ACACA: variants seen among roughly 807,000 people sequenced by gnomAD.
The protein encoded by ACACA is acetyl-CoA carboxylase alpha, also known as acetyl-CoA carboxylase 1.
Under a neutral mutation model 296.1 loss-of-function variants are expected in ACACA, and 103 were observed. The ratio of observed to expected loss-of-function variants is 0.35; its 90% CI spans 0.30 to 0.41. The LOEUF is 0.41. ACACA is among the 10% of genes least tolerant of loss of function. The pLI, the probability that ACACA is intolerant of heterozygous loss-of-function variation, is 1.00. For missense variants in ACACA, 1,554 were observed against 2,989.7 expected (o/e 0.52, Z 11.20); for synonymous variants, 953 against 1,038.6 (o/e 0.92, Z 1.58).
At chr17:37,197,619 G>A (rs2090150742) in intron 35 of ACACA, among the ~76,000 whole-genome samples, 1 of 152,162 alleles carries the variant, frequency 6.6e-6, no homozygotes, top group South Asian at 2.1e-4. Context: ...TGAATGTCAA[G>A]CTACCATCAG....
At chr17:37,349,773 G>A (rs1296219401) in intron 1 of ACACA, among the ~76,000 whole-genome samples, 1 of 151,570 alleles carries the variant, frequency 6.6e-6, no homozygotes, top group Non-Finnish European at 1.5e-5. Flanking sequence ...TGGCCAGGCT[G>A]GTCTCGAACT....
chr17:37,229,406 C>G (rs899489988), intron 25 of ACACA, among the ~76,000 whole-genome samples: 7 of 151,880 alleles, frequency 4.6e-5, no homozygotes, highest in South Asian at 2.1e-4. Flanking sequence ...GGGGTTCACG[C>G]CATTCTCCTG....
At chr17:37,194,933 A>AC (rs111271581) in intron 35 of ACACA, among the ~76,000 whole-genome samples, 258 of 150,560 alleles carry the variant, frequency 1.7e-3, no homozygotes, top group Middle Eastern at 3.4e-3. Flanking sequence ...ATTCTCTGAC[A>AC]CCCCCCCCAC....
intron 25 of ACACA, among the ~76,000 whole-genome samples, chr17:37,233,002 C>T (rs2079934722): frequency 6.6e-6 from 1 of 152,096 alleles, no homozygotes; most frequent in African/African-American, 2.4e-5. Flanking sequence ...GGGTACTATC[C>T]ATGCAGGTAA....
chr17:37,293,068 C>T (rs1018388788), intron 3 of ACACA, among the ~76,000 whole-genome samples: 1 of 152,102 alleles, frequency 6.6e-6, no homozygotes, highest in Non-Finnish European at 1.5e-5. Context: ...CTTATTTTTA[C>T]TTTAATCAAG....
chr17:37,353,260 CA>C (rs1265497642), intron 1 of ACACA, among the ~76,000 whole-genome samples: 1 of 152,130 alleles, frequency 6.6e-6, no homozygotes, highest in East Asian at 1.9e-4. Context: ...AAAAACTAAT[CA>C]AGCTCCTATC....
Position 37,103,603 on chromosome 17 carries a change from C to T in ACACA, c.6566-5619G>A, listed in dbSNP as rs73287920. The stretch of plus-strand genomic sequence containing the variant: ...CTGAGTGGGAGTAAAAAGGTAGGTG[C>T]TCCCATCCTTTCCTATCCAAAATAA... On this transcript the variant is annotated intron_variant, in intron 52 of 55. Coordinates refer to ENST00000616317, the MANE Select transcript of ACACA (RefSeq NM_198834.3). Among the ~76,000 whole-genome samples, 476 of 152,206 alleles carry T rather than the reference C, an allele frequency of 3.1e-3. 2 individuals are homozygous for T. The highest frequency in any genetic ancestry group is 0.011 in the African/African-American group (463 of 41,520).
rs191340454 is a variant in ACACA, at chr17:37,088,957, C to G, written c.7009G>C (p.Val2337Leu). 6.2e-7 allele frequency: 1 copy of G among 1,614,186 alleles called. No individual in the cohort carries two copies. Among genetic ancestry groups the G allele is most frequent in the East Asian group, 2.2e-5 (1 of 44,884 alleles). The stretch of plus-strand genomic sequence containing the variant: ...TCTCACCTGCGGATTTGCTTGAGGA[C>G]GTAGTCTCTGCTGATGCATTTGATG... ...ENIKCISRDYVLKQIRSLVQA... is the reference protein window; with the variant it reads ...ENIKCISRDYLLKQIRSLVQA... The change falls in exon 55 of 56, where the codon GTC (valine) becomes CTC (leucine). Residue 2337 changes from valine to leucine, a missense_variant. By Grantham distance (32) the Val-to-Leu change is conservative. Transcript: ENST00000616317.
intron 1 of ACACA, among the ~76,000 whole-genome samples, chr17:37,373,640 C>T (rs1212551784): frequency 6.6e-6 from 1 of 152,182 alleles, no homozygotes; most frequent in East Asian, 1.9e-4. Context: ...TCGCCAAGCA[C>T]AAGGTCTCTT....
chr17:37,130,774 CTT>C (rs1214386562), intron 45 of ACACA, among the ~76,000 whole-genome samples: 1 of 152,054 alleles, frequency 6.6e-6, no homozygotes, highest in Non-Finnish European at 1.5e-5. Flanking sequence ...GTGCAAGTCT[CTT>C]TGCACACAGA....
chr17:37,373,044 A>G (rs2049863171), intron 1 of ACACA, among the ~76,000 whole-genome samples: 1 of 151,256 alleles, frequency 6.6e-6, no homozygotes, highest in African/African-American at 2.4e-5. Flanking sequence ...CGACGCCCAG[A>G]TAATTTTTGT....
chr17:37,109,204 C>T (rs1036279665), intron 52 of ACACA, among the ~76,000 whole-genome samples: 2 of 152,098 alleles, frequency 1.3e-5, no homozygotes, highest in African/African-American at 2.4e-5. Flanking sequence ...GACAGCTGCC[C>T]GTATAGGATA....
At chr17:37,090,203 C>T (rs998001353) in intron 54 of ACACA, among the ~76,000 whole-genome samples, 1 of 152,180 alleles carries the variant, frequency 6.6e-6, no homozygotes, top group Non-Finnish European at 1.5e-5. Context: ...AGGCCTCAAG[C>T]AGTACAAAAC....
At position 37,164,238 on chromosome 17, in the gene ACACA, C is replaced by T. The variant is rs1163304012; in HGVS notation, c.5080-2188G>A. 2.6e-5 allele frequency among the ~76,000 whole-genome samples: 4 copies of T among 152,138 alleles called. No homozygotes were observed. In the South Asian group the frequency reaches 6.2e-4, roughly 24 times the overall value. On this transcript the variant is annotated intron_variant, in intron 41 of 55. Transcript: ENST00000616317. ...TTGGGGAGCTGGCCATCAAGAAGGGCCATTAACAGATGTAAATAGCGGCAT... is the reference window on the plus strand; with the variant it reads ...TTGGGGAGCTGGCCATCAAGAAGGGTCATTAACAGATGTAAATAGCGGCAT...
rs2050886800 is a variant in ACACA, at chr17:37,391,557, GT to G, written c.38+14704del. ...TGAAGTGCACTTGGAATTACATGGGGTTTTGTACTTAGCCAGCCCTTTTCTT... is the reference window on the plus strand; with the variant it reads ...TGAAGTGCACTTGGAATTACATGGGGTTTGTACTTAGCCAGCCCTTTTCTT... On this transcript the variant is annotated intron_variant, in intron 1 of 55. Coordinates refer to ENST00000616317, the MANE Select transcript of ACACA (RefSeq NM_198834.3). 3.5e-6 allele frequency: 4 copies of G among 1,156,452 alleles called. No homozygotes were observed. The South Asian group carries it at 3.7e-5, about 11-fold the overall frequency. 71.6% of individuals were successfully genotyped at this position (1,156,452 alleles called of 1,614,324 possible).
intron 21 of ACACA, among the ~76,000 whole-genome samples, chr17:37,243,962 T>A (rs2080554056): frequency 6.6e-6 from 1 of 152,198 alleles, no homozygotes; most frequent in South Asian, 2.1e-4. Context: ...GATCTTTCCA[T>A]CTCAGCTTCC....
chr17:37,381,132 G>T (rs1040050594), intron 1 of ACACA, among the ~76,000 whole-genome samples: 1 of 151,790 alleles, frequency 6.6e-6, no homozygotes. Context: ...ACACTGTTCT[G>T]CCCCTTGCTT....
intron 3 of ACACA, among the ~76,000 whole-genome samples, chr17:37,303,115 C>A (rs1377044448): frequency 6.6e-6 from 1 of 152,078 alleles, no homozygotes; most frequent in Non-Finnish European, 1.5e-5. Flanking sequence ...ATTTTTATTA[C>A]CTCCAAAAGA....
intron 43 of ACACA, among the ~76,000 whole-genome samples, chr17:37,155,427 A>T (rs188440123): frequency 2.0e-5 from 3 of 151,628 alleles, no homozygotes; most frequent in Non-Finnish European, 4.4e-5. Flanking sequence ...ATTGTGGCTA[A>T]TTTTTTTTTC....
Sources: allele counts gnomAD v4.1 joint callset (sites outside exome capture counted in the v4.1 genomes callset), GRCh38; gene constraint gnomAD v4.1.1; transcripts MANE v1.5; gene names NCBI Gene and HGNC (gene_info 2026-07-23, HGNC 2026-07-21).